POLR3B: variants seen among roughly 807,000 people sequenced by gnomAD.
The protein encoded by POLR3B is DNA-directed RNA polymerase III subunit RPC2.
In POLR3B, 96 loss-of-function variants were observed where a neutral mutation model predicts 147.4. The ratio of observed to expected loss-of-function variants is 0.65; its 90% CI spans 0.55 to 0.77. The LOEUF (loss-of-function observed/expected upper bound fraction) is 0.77, where lower values mean the gene tolerates loss of function less well. Among genes scored for constraint, POLR3B ranks in the 30% least tolerant of loss-of-function variants. The probability of loss-of-function intolerance (pLI) is 0.00; values close to 1 mark genes in which losing one functional copy is unlikely to be tolerated. For synonymous variants in POLR3B, 461 were observed against 485.9 expected (o/e 0.95, Z 0.67); for missense variants, 1,036 against 1,413.5 (o/e 0.73, Z 4.28).
intron 27 of POLR3B, among the ~76,000 whole-genome samples, chr12:106,508,690 A>G (rs1161129237): frequency 2.0e-5 from 3 of 152,256 alleles, no homozygotes; most frequent in Admixed American, 2.0e-4. Context: ...TAATTGGAAT[A>G]TGAGGCAAAG....
intron 22 of POLR3B, among the ~76,000 whole-genome samples, chr12:106,461,196 T>A (rs912464460): frequency 6.6e-6 from 1 of 151,910 alleles, no homozygotes; most frequent in African/African-American, 2.4e-5. Flanking sequence ...CCAGTTCAAG[T>A]GATTCTCCTG....
intron 23 of POLR3B, among the ~76,000 whole-genome samples, chr12:106,494,577 A>T (rs796280989): frequency 6.6e-6 from 1 of 152,158 alleles, no homozygotes; most frequent in South Asian, 2.1e-4. Context: ...TTACAATTTG[A>T]TCTCTTTCAA....
At chr12:106,442,828 A>C (rs2037671104) in intron 18 of POLR3B, among the ~76,000 whole-genome samples, 1 of 152,204 alleles carries the variant, frequency 6.6e-6, no homozygotes, top group Non-Finnish European at 1.5e-5. Context: ...TGGATGACAC[A>C]TCTGGTACTT....
At chr12:106,437,623 A>G (rs1001966222) in intron 17 of POLR3B, 58 bp from the exon 18 acceptor site, 2 of 951,558 alleles carry the variant, frequency 2.1e-6, no homozygotes, top group South Asian at 2.7e-5. Context: ...CTGTTATTAT[A>G]TAAAATACTG....
intron 10 of POLR3B, among the ~76,000 whole-genome samples, chr12:106,402,049 A>T (rs1171251392): frequency 2.6e-5 from 4 of 152,126 alleles, no homozygotes; most frequent in South Asian, 2.1e-4. Flanking sequence ...ACATGATTGT[A>T]TATCTAGAAA....
chr12:106,358,298 G>C, intron 1 of POLR3B: 9 of 1,218,398 alleles, frequency 7.4e-6, no homozygotes, highest in Non-Finnish European at 8.3e-6. Context: ...CAGAGGACAC[G>C]GGGCCAGGGA....
chr12:106,358,043 G>A, intron 1 of POLR3B, 92 bp downstream of exon 1: 1 of 1,566,076 alleles, frequency 6.4e-7, no homozygotes, highest in Admixed American at 1.9e-5. Context: ...GGGGCGGGCT[G>A]GCGGTTTGTG....
At position 106,458,909 on chromosome 12, in the gene POLR3B, A is replaced by C. The variant is rs1355368222; in HGVS notation, c.2453-342A>C. ...CTGGTTGAAATAACTATAAATAAAA[A>C]TAAGTGACCAAAACTTAACACCCTA... On this transcript the variant is annotated intron_variant, in intron 21 of 27. Coordinates refer to ENST00000228347, the MANE Select transcript of POLR3B (RefSeq NM_018082.6). Among the ~76,000 whole-genome samples, 3 of 152,224 alleles carry C rather than the reference A, an allele frequency of 2.0e-5. No individual in the cohort carries two copies. In the East Asian group the frequency reaches 5.8e-4, roughly 29 times the overall value.
chr12:106,462,096 C>T (rs1458615073), intron 22 of POLR3B, among the ~76,000 whole-genome samples: 2 of 152,158 alleles, frequency 1.3e-5, no homozygotes, highest in Non-Finnish European at 2.9e-5. Context: ...CCAATCCTGT[C>T]GTTCCTGTCA....
intron 14 of POLR3B, among the ~76,000 whole-genome samples, chr12:106,431,183 G>T (rs1256418739): frequency 3.9e-5 from 6 of 152,266 alleles, no homozygotes; most frequent in African/African-American, 1.4e-4. Context: ...AAGATGTAGG[G>T]TCCAAAGTGT....
At chr12:106,422,973 TG>T (rs1161476662) in intron 12 of POLR3B, among the ~76,000 whole-genome samples, 1 of 152,212 alleles carries the variant, frequency 6.6e-6, no homozygotes, top group Non-Finnish European at 1.5e-5. Flanking sequence ...TTTTCTTTGA[TG>T]TTTTTCAATA....
chr12:106,447,106 A>C (rs1405052925), intron 19 of POLR3B, among the ~76,000 whole-genome samples: 1 of 152,206 alleles, frequency 6.6e-6, no homozygotes, highest in South Asian at 2.1e-4. Flanking sequence ...CAGAGCTTCT[A>C]TGTGGATTTT....
chr12:106,473,022 T>C (rs1383290354), intron 23 of POLR3B, among the ~76,000 whole-genome samples: 1 of 90,490 alleles, frequency 1.1e-5, no homozygotes, highest in Non-Finnish European at 2.0e-5. Context: ...CTTTAATCCA[T>C]CTTGAATTGA....
At chr12:106,436,990 A>G (rs1200247884) in intron 16 of POLR3B, 67 bp from the exon 17 acceptor site, 2 of 1,226,134 alleles carry the variant, frequency 1.6e-6, no homozygotes, top group Admixed American at 3.6e-5. Flanking sequence ...TCACTTTGGT[A>G]AACTAACTTG....
intron 23 of POLR3B, among the ~76,000 whole-genome samples, chr12:106,480,068 G>C (rs1332294136): frequency 6.6e-6 from 1 of 151,274 alleles, no homozygotes; most frequent in African/African-American, 2.4e-5. Flanking sequence ...ACCCAGGCTG[G>C]TCTCGAACTT....
At chr12:106,394,570 A>G (rs1489240005) in intron 10 of POLR3B, among the ~76,000 whole-genome samples, 1 of 152,196 alleles carries the variant, frequency 6.6e-6, no homozygotes, top group African/African-American at 2.4e-5. Context: ...CTTCAGTGAA[A>G]TCCGGTATGC....
chr12:106,390,469 G>A (rs2036899707), intron 9 of POLR3B, among the ~76,000 whole-genome samples: 1 of 151,972 alleles, frequency 6.6e-6, no homozygotes, highest in African/African-American at 2.4e-5. Context: ...CAGTGTGCTT[G>A]AGCTAAGAAT....
intron 6 of POLR3B, among the ~76,000 whole-genome samples, chr12:106,375,244 T>G (rs550531428): frequency 2.0e-5 from 3 of 152,236 alleles, no homozygotes; most frequent in Non-Finnish European, 4.4e-5. Flanking sequence ...TCTCTTTTTT[T>G]CTGGCTGGGT....
intron 23 of POLR3B, among the ~76,000 whole-genome samples, chr12:106,469,269 CTTT>C (rs374922405): frequency 5.5e-5 from 7 of 128,370 alleles, no homozygotes; most frequent in Non-Finnish European, 3.3e-5. Context: ...GCAACCCCTG[CTTT>C]TTTTTTTTTT....
Sources: allele counts gnomAD v4.1 joint callset (sites outside exome capture counted in the v4.1 genomes callset), GRCh38; gene constraint gnomAD v4.1.1; transcripts MANE v1.5; gene names NCBI Gene and HGNC (gene_info 2026-07-23, HGNC 2026-07-21).